KDM1A: variants seen among roughly 807,000 people sequenced by gnomAD.
KDM1A encodes lysine demethylase 1A, also known as lysine-specific histone demethylase 1A.
Under a neutral mutation model 109.4 loss-of-function variants are expected in KDM1A, and 49 were observed. That is an observed-to-expected ratio of 0.45 (90% CI 0.36 to 0.57). KDM1A has a LOEUF of 0.57. Ranked by LOEUF, KDM1A falls within the 20% of genes least tolerant of loss-of-function variation. The pLI is 0.00. For synonymous variants in KDM1A, 380 were observed against 415.4 expected (o/e 0.91, Z 1.04); for missense variants, 668 against 1,116.6 (o/e 0.60, Z 5.73).
Position 23,079,075 on chromosome 1 carries a change from G to C in KDM1A, c.1953G>C (p.Leu651=), listed in dbSNP as rs1476081720. ...KCDAVLCTLP[L]GVLKQQPPAV... ...ACGCAGTTCTCTGTACCCTTCCCCTGGGTGTGCTGAAGCAGCAGCCACCAG... is the reference window on the plus strand; with the variant it reads ...ACGCAGTTCTCTGTACCCTTCCCCTCGGTGTGCTGAAGCAGCAGCCACCAG... Residue 651 remains leucine, a synonymous_variant, in exon 17 of 21, where the codon CTG becomes CTC. Transcript: ENST00000400181. The surrounding 1 kb of genome is among the most constrained non-coding windows in gnomAD (Gnocchi z 5.6). The C allele has an allele frequency of 6.2e-7, 1 of 1,614,108 alleles. No homozygotes were observed. Among genetic ancestry groups the C allele is most frequent in the East Asian group, 2.2e-5 (1 of 44,870 alleles).
Position 23,057,487 on chromosome 1 carries a change from C to T in KDM1A, c.994C>T (p.Arg332Cys). ...GGCTACTTAATTTCTGAAACAGGAT[C>T]GTGTGGGTGGACGAGTTGCCACATT... ...MDVTLLEARD[R>C]VGGRVATFRK... The change falls in exon 8 of 21, where the codon CGT (arginine) becomes TGT (cysteine). Residue 332 changes from arginine to cysteine, a missense_variant. This residue lies in a region of KDM1A where 53 missense variants were observed against 122.5 expected (regional missense o/e 0.43). Transcript: ENST00000400181. 1.9e-6 allele frequency: 3 copies of T among 1,613,328 alleles called. No individual in the cohort carries two copies. The highest frequency in any genetic ancestry group is 1.1e-5 in the South Asian group (1 of 91,058).
At chr1:23,031,610 T>C (rs186331810) in intron 2 of KDM1A, among the ~76,000 whole-genome samples, 10 of 152,260 alleles carry the variant, frequency 6.6e-5, no homozygotes, top group African/African-American at 2.4e-4. Context: ...CCCTATGGTG[T>C]TACTGTGAAT....
chr1:23,026,685 G>T (rs1272133790), intron 1 of KDM1A, among the ~76,000 whole-genome samples: 1 of 152,084 alleles, frequency 6.6e-6, no homozygotes, highest in African/African-American at 2.4e-5. Flanking sequence ...CCCCGCCCAA[G>T]AAATATTTCT....
chr1:23,073,363 C>A lies in KDM1A; in HGVS notation c.1694C>A (p.Ala565Asp). The A allele has an allele frequency of 6.2e-7, 1 of 1,611,696 alleles. No individual in the cohort carries two copies. Among genetic ancestry groups the A allele is most frequent in the Non-Finnish European group, 8.5e-7 (1 of 1,178,066 alleles). ...TTTGCAAATCTTGAATTTGCTAATG[C>A]CACACCTCTCTCAACTCTCTCCCTT... is the stretch of plus-strand genomic sequence containing the variant. ...WHFANLEFAN[A>D]TPLSTLSLKH... The change falls in exon 15 of 21, where the codon GCC becomes GAC. Residue 565 changes from alanine to aspartate, a missense_variant. Physicochemically the swap from Ala to Asp is moderately radical, Grantham distance 126. This residue lies in a region of KDM1A where 162 missense variants were observed against 376.4 expected (regional missense o/e 0.43). Transcript: ENST00000400181.
intron 3 of KDM1A, among the ~76,000 whole-genome samples, chr1:23,048,410 C>T (rs1642563813): frequency 1.3e-5 from 2 of 151,932 alleles, no homozygotes; most frequent in African/African-American, 4.8e-5. Flanking sequence ...TACAATATGG[C>T]TTTTACTATT....
intron 1 of KDM1A, among the ~76,000 whole-genome samples, chr1:23,026,220 C>T (rs1641795739): frequency 6.6e-6 from 1 of 152,124 alleles, no homozygotes; most frequent in Non-Finnish European, 1.5e-5. Flanking sequence ...GAAAATTAAT[C>T]TGGCAGCTTT....
intron 1 of KDM1A, among the ~76,000 whole-genome samples, chr1:23,027,504 C>T (rs1264116400): frequency 7.0e-6 from 1 of 143,414 alleles, no homozygotes; most frequent in Non-Finnish European, 1.5e-5. Context: ...AGCCTTGACC[C>T]CCCCCCGCCC....
At chr1:23,072,059 G>A (rs975498365) in intron 13 of KDM1A, 65 bp from the exon 14 acceptor site, 4 of 954,122 alleles carry the variant, frequency 4.2e-6, no homozygotes, top group Non-Finnish European at 6.6e-6. Context: ...ATACTTTGTG[G>A]TACAAAGAAA....
intron 3 of KDM1A, among the ~76,000 whole-genome samples, chr1:23,048,248 T>G (rs1407933609): frequency 3.3e-5 from 5 of 152,184 alleles, no homozygotes; most frequent in Admixed American, 6.5e-5. Flanking sequence ...TTGGTGGTTT[T>G]GTTTTGTTTT....
rs184564875 is a variant in KDM1A, at chr1:23,060,001, A to G, written c.1167+834A>G. ...TCAAGGAACATCCTCACTTACTCCT[A>G]TCTACCTTAAGGCTTTATGGGGTTC... On this transcript the variant is annotated intron_variant, in intron 9 of 20. Coordinates refer to ENST00000400181, the MANE Select transcript of KDM1A (RefSeq NM_001009999.3). 2.9e-3 allele frequency among the ~76,000 whole-genome samples: 449 copies of G among 152,310 alleles called. 3 individuals carry two copies. Among genetic ancestry groups the G allele is most frequent in the African/African-American group, 9.1e-3 (378 of 41,576 alleles).
In KDM1A at chr1:23,058,407, A is replaced by G. The variant is rs556519056; in HGVS notation, c.1073-666A>G. Reference sequence around the variant, plus strand: ...ACTAGCTTTTGAACAAGCTTATAGGACAAGTACAAAGAACCCCACTAATTT... The same window carrying G: ...ACTAGCTTTTGAACAAGCTTATAGGGCAAGTACAAAGAACCCCACTAATTT... On this transcript the variant is annotated intron_variant, in intron 8 of 20. Coordinates refer to ENST00000400181, the MANE Select transcript of KDM1A (RefSeq NM_001009999.3). Among the ~76,000 whole-genome samples, 3 of 152,330 alleles carry G rather than the reference A, an allele frequency of 2.0e-5. No homozygotes were observed. The East Asian group carries it at 5.8e-4, about 29-fold the overall frequency.
At chr1:23,026,252 GT>G (rs1181064106) in intron 1 of KDM1A, among the ~76,000 whole-genome samples, 2 of 151,348 alleles carry the variant, frequency 1.3e-5, no homozygotes, top group East Asian at 1.9e-4. Context: ...AAGGGAGAAA[GT>G]TTTTTTTTAA....
rs575340450 is a variant in KDM1A, at chr1:23,039,335, T to C, written c.518-5092T>C. The stretch of plus-strand genomic sequence containing the variant: ...TTACTGTGCAGTCTTTTTCATTTTT[T>C]AGGCCTTACCCATTTTTACTGTCAC... On this transcript the variant is annotated intron_variant, in intron 2 of 20. Transcript: ENST00000400181. Among the ~76,000 whole-genome samples the C allele has an allele frequency of 2.0e-5, 3 of 152,352 alleles. No homozygotes were observed. The East Asian group carries it at 5.8e-4, about 29-fold the overall frequency.
At chr1:23,047,253 G>A (rs61336240) in intron 3 of KDM1A, among the ~76,000 whole-genome samples, 9,949 of 151,776 alleles carry the variant, frequency 0.066, 1,035 homozygotes, top group African/African-American at 0.23. Context: ...TTTTCACCCT[G>A]GTTTTGATAA....
Position 23,055,240 on chromosome 1 carries a change from C to T in KDM1A, c.883+79C>T, listed in dbSNP as rs45549934. 1.1e-4 allele frequency: 77 copies of T among 678,082 alleles called. No individual in the cohort carries two copies. The Middle Eastern group carries it at 2.0e-3, about 17-fold the overall frequency. The allele number at this position is 678,082 out of a possible 1,614,324, so 42.0% of individuals were successfully genotyped here. On this transcript the variant is annotated intron_variant, in intron 6 of 20. Transcript: ENST00000400181. ...GGACTGTATTTTATATCTATGATGA[C>T]GTTAGGATTTTATTTTGATTCATAA...
intron 10 of KDM1A, among the ~76,000 whole-genome samples, chr1:23,067,432 G>T (rs1643190214): frequency 6.6e-6 from 1 of 152,174 alleles, no homozygotes; most frequent in African/African-American, 2.4e-5. Flanking sequence ...CGTCTGTTGG[G>T]TTGGGAAGTG....
intron 2 of KDM1A, among the ~76,000 whole-genome samples, chr1:23,031,416 C>T (rs1179485915): frequency 3.3e-5 from 5 of 152,084 alleles, no homozygotes; most frequent in African/African-American, 7.2e-5. Context: ...TTTTATGTTT[C>T]GAATAGCTTC....
At chr1:23,056,485 G>A (rs1211240618) in intron 7 of KDM1A, among the ~76,000 whole-genome samples, 2 of 151,980 alleles carry the variant, frequency 1.3e-5, no homozygotes, top group African/African-American at 4.8e-5. Context: ...GGAAACAGGA[G>A]GAGCAATAAG....
intron 2 of KDM1A, among the ~76,000 whole-genome samples, chr1:23,041,094 C>T (rs1264075934): frequency 6.6e-6 from 1 of 152,098 alleles, no homozygotes; most frequent in African/African-American, 2.4e-5. Context: ...TCAGAGACTA[C>T]TTGGATGAAA....
Sources: gnomAD v4.1 joint callset for allele counts (sites outside exome capture counted in the v4.1 genomes callset) on GRCh38, gnomAD v4.1.1 for gene constraint, gnomAD v4.1.1 regional missense constraint, Gnocchi (gnomAD v3.1) non-coding constraint, MANE v1.5 for transcripts, NCBI Gene and HGNC (gene_info 2026-07-23, HGNC 2026-07-21) for gene names.